Variants in EPS8 observed in about 807,000 individuals in gnomAD.
EPS8 encodes the protein EGFR pathway substrate 8, signaling adaptor, also known as epidermal growth factor receptor kinase substrate 8.
EPS8 carries 42 observed loss-of-function variants against 103.8 expected under a neutral mutation model. The observed-to-expected ratio is 0.40, with a 90% CI of 0.32 to 0.52. The LOEUF (loss-of-function observed/expected upper bound fraction) is 0.52, where lower values mean the gene tolerates loss of function less well. Among genes scored for constraint, EPS8 ranks in the 20% least tolerant of loss-of-function variants. The pLI, the probability that EPS8 is intolerant of heterozygous loss-of-function variation, is 0.40. For missense variants in EPS8, 969 were observed against 1,005.1 expected (o/e 0.96, Z 0.49); for synonymous variants, 344 against 344.6 (o/e 1.00, Z 0.02).
intron 1 of EPS8, among the ~76,000 whole-genome samples, chr12:15,687,370 T>C (rs1212144465): frequency 6.6e-6 from 1 of 152,190 alleles, no homozygotes; most frequent in African/African-American, 2.4e-5. Context: ...GGTATCACAA[T>C]TTCTAGACCA....
At chr12:15,652,862 C>T (rs1276193552) in intron 13 of EPS8, among the ~76,000 whole-genome samples, 1 of 152,032 alleles carries the variant, frequency 6.6e-6, no homozygotes, top group Non-Finnish European at 1.5e-5. Context: ...TGAATTGGCC[C>T]ATGACTCTTA....
At chr12:15,646,140 T>C (rs1218517120) in intron 15 of EPS8, among the ~76,000 whole-genome samples, 1 of 151,906 alleles carries the variant, frequency 6.6e-6, no homozygotes, top group East Asian at 1.9e-4. Flanking sequence ...AAAAAATATA[T>C]TATTCATTGC....
At chr12:15,630,150 G>A (rs575323721) in intron 18 of EPS8, among the ~76,000 whole-genome samples, 1 of 151,882 alleles carries the variant, frequency 6.6e-6, no homozygotes, top group East Asian at 1.9e-4. Flanking sequence ...GGCCCACATT[G>A]AGGGAAAGAT....
At chr12:15,679,645 A>G (rs1945969665) in intron 3 of EPS8, among the ~76,000 whole-genome samples, 1 of 152,098 alleles carries the variant, frequency 6.6e-6, no homozygotes, top group South Asian at 2.1e-4. Flanking sequence ...CCTCTATTAA[A>G]TCCTTTCTGA....
In EPS8 at chr12:15,733,514, T is replaced by C. The variant is rs987658039; in HGVS notation, c.-21-50542A>G. On this transcript the variant is annotated intron_variant, in intron 1 of 20. Transcript: ENST00000281172. This position sits in a 1 kb window ranked among gnomAD's most constrained non-coding sequence, Gnocchi z 4.8. ...ATCATATTGTTCATTAAATAGTATC[T>C]TGGCACCTTTAAAAAGCCTAGATAT... Among the ~76,000 whole-genome samples, 1 of 152,096 alleles carries C rather than the reference T, an allele frequency of 6.6e-6. No individual in the cohort carries two copies. The highest frequency in any genetic ancestry group is 1.9e-4 in the East Asian group (1 of 5,192).
chr12:15,666,401 A>T, intron 7 of EPS8, 39 bp downstream of exon 7: 1 of 1,492,160 alleles, frequency 6.7e-7, no homozygotes, highest in Non-Finnish European at 9.3e-7. Context: ...CCTTAGAAAC[A>T]AATCAATTCC....
At chr12:15,766,095 T>C (rs543591577) in intron 1 of EPS8, among the ~76,000 whole-genome samples, 7 of 151,468 alleles carry the variant, frequency 4.6e-5, no homozygotes, top group African/African-American at 4.8e-5. Flanking sequence ...ATTATAGGCG[T>C]GAGCCACCTG....
chr12:15,637,826 C>A (rs1945163001), intron 17 of EPS8, among the ~76,000 whole-genome samples: 1 of 152,128 alleles, frequency 6.6e-6, no homozygotes, highest in Non-Finnish European at 1.5e-5. Flanking sequence ...AGCAAGCATG[C>A]AGGAAGGAGC....
At chr12:15,740,157 T>C (rs1946805374) in intron 1 of EPS8, among the ~76,000 whole-genome samples, 1 of 152,220 alleles carries the variant, frequency 6.6e-6, no homozygotes, top group Non-Finnish European at 1.5e-5. Context: ...CACAATCTTA[T>C]TGCATAAAGG....
chr12:15,762,327 C>T lies in EPS8; in HGVS notation c.-22+26834G>A, dbSNP rs1947050342. Among the ~76,000 whole-genome samples, 1 of 152,176 alleles carries T rather than the reference C, an allele frequency of 6.6e-6. No homozygotes were observed. ...GTAGAGAAAAGGGAACCCTCATACA[C>T]TGTTGGTGGCGATGTAAATTACTGC... On this transcript the variant is annotated intron_variant, in intron 1 of 20. Coordinates refer to ENST00000281172, the MANE Select transcript of EPS8 (RefSeq NM_004447.6). This position sits in a 1 kb window ranked among gnomAD's most constrained non-coding sequence, Gnocchi z 4.8.
intron 1 of EPS8, among the ~76,000 whole-genome samples, chr12:15,758,748 T>C (rs1204191722): frequency 6.6e-6 from 1 of 152,226 alleles, no homozygotes; most frequent in Non-Finnish European, 1.5e-5. Context: ...CAATGAGTGC[T>C]AAATTTTTTC....
intron 13 of EPS8, among the ~76,000 whole-genome samples, chr12:15,651,935 T>G (rs925061350): frequency 1.3e-5 from 2 of 152,154 alleles, no homozygotes; most frequent in Non-Finnish European, 2.9e-5. Context: ...TGTAGTTTTT[T>G]GAATGTTAAT....
chr12:15,658,066 A>C lies in EPS8; in HGVS notation c.1101+13T>G. ...ACTAAGAACGATTCTTTCTTAAACTAATAAAATCTCACCATATTTAATGGA... is the reference window on the plus strand; with the variant it reads ...ACTAAGAACGATTCTTTCTTAAACTCATAAAATCTCACCATATTTAATGGA... On this transcript the variant is annotated intron_variant, in intron 12 of 20. Transcript: ENST00000281172. 1 of 1,503,068 alleles carries C rather than the reference A, an allele frequency of 6.7e-7. No homozygotes were observed. Among genetic ancestry groups the C allele is most frequent in the Non-Finnish European group, 9.3e-7 (1 of 1,080,170 alleles). The allele number at this position is 1,503,068 out of a possible 1,614,324, so 93.1% of individuals were successfully genotyped here.
intron 10 of EPS8, among the ~76,000 whole-genome samples, chr12:15,659,656 T>C (rs950702363): frequency 6.6e-6 from 1 of 152,214 alleles, no homozygotes. Flanking sequence ...TACAAATATG[T>C]GCTACAGAAA....
At position 15,690,674 on chromosome 12, in the gene EPS8, G is replaced by A. The variant is rs1234845619; in HGVS notation, c.-21-7702C>T. ...ATGTAATTGCTTTCTAACAGAATAC[G>A]TTGTATACTTTTCTAGGTATCAGAC... is the stretch of plus-strand genomic sequence containing the variant. On this transcript the variant is annotated intron_variant, in intron 1 of 20. Coordinates refer to ENST00000281172, the MANE Select transcript of EPS8 (RefSeq NM_004447.6). This position sits in a 1 kb window ranked among gnomAD's most constrained non-coding sequence, Gnocchi z 4.7. Among the ~76,000 whole-genome samples, 5 of 152,102 alleles carry A rather than the reference G, an allele frequency of 3.3e-5. No individual in the cohort carries two copies. Among genetic ancestry groups the A allele is most frequent in the South Asian group, 2.1e-4 (1 of 4,826 alleles).
intron 1 of EPS8, among the ~76,000 whole-genome samples, chr12:15,737,436 T>C (rs1946777498): frequency 1.3e-5 from 2 of 152,098 alleles, no homozygotes; most frequent in Non-Finnish European, 2.9e-5. Flanking sequence ...TCCTCCTTTC[T>C]ACAAAGAAAA....
Position 15,759,033 on chromosome 12 carries a change from T to A in EPS8, c.-22+30128A>T, listed in dbSNP as rs1035755954. Among the ~76,000 whole-genome samples the A allele has an allele frequency of 1.3e-5, 2 of 152,134 alleles. No individual in the cohort carries two copies. Among genetic ancestry groups the A allele is most frequent in the Non-Finnish European group, 2.9e-5 (2 of 68,002 alleles). On this transcript the variant is annotated intron_variant, in intron 1 of 20. Coordinates refer to ENST00000281172, the MANE Select transcript of EPS8 (RefSeq NM_004447.6). The surrounding 1 kb of genome is among the most constrained non-coding windows in gnomAD (Gnocchi z 4.9). Reference sequence around the variant, plus strand: ...TTCTTCTACAGATTTTTTTTTAAAATTTTTTAATTAAAAGATGCAGGGGAA... The same window carrying A: ...TTCTTCTACAGATTTTTTTTTAAAAATTTTTAATTAAAAGATGCAGGGGAA...
At position 15,624,257 on chromosome 12, in the gene EPS8, G is replaced by A. The variant is rs141592108; in HGVS notation, c.2195C>T (p.Thr732Met). Residue 732 changes from threonine (T) to methionine (M), a missense_variant, in exon 19 of 21, where the codon ACG becomes ATG. Thr to Met is a moderately conservative substitution (Grantham distance 81, BLOSUM62 -1). Transcript: ENST00000281172. ...GTTGAATCCCTTTGACTGTAACCACGTCTTCACATCCTCTGGTGTGGAGTC... is the reference window on the plus strand; with the variant it reads ...GTTGAATCCCTTTGACTGTAACCACATCTTCACATCCTCTGGTGTGGAGTC... ...TYDSTPEDVKTWLQSKGFNPV... is the reference protein window; with the variant it reads ...TYDSTPEDVKMWLQSKGFNPV... 56 of 1,613,672 alleles carry A rather than the reference G, an allele frequency of 3.5e-5. No homozygotes were observed. In the African/African-American group the frequency reaches 5.2e-4, roughly 15 times the overall value.
chr12:15,666,525 G>T lies in EPS8; in HGVS notation c.517-3C>A. ...ATATCTTCACTAATTAGGTTTGCCTGCAAAGAGACACAAGTTACCTGAAAG... is the reference window on the plus strand; with the variant it reads ...ATATCTTCACTAATTAGGTTTGCCTTCAAAGAGACACAAGTTACCTGAAAG... On this transcript the variant is annotated splice_region_variant and splice_polypyrimidine_tract_variant and intron_variant, in intron 6 of 20. Transcript: ENST00000281172. The T allele has an allele frequency of 1.2e-6, 2 of 1,609,720 alleles. No individual in the cohort carries two copies. Among genetic ancestry groups the T allele is most frequent in the Non-Finnish European group, 1.7e-6 (2 of 1,176,302 alleles).
Sources: gnomAD v4.1 joint callset for allele counts (sites outside exome capture counted in the v4.1 genomes callset) on GRCh38, gnomAD v4.1.1 for gene constraint, Gnocchi (gnomAD v3.1) non-coding constraint, MANE v1.5 for transcripts, NCBI Gene and HGNC (gene_info 2026-07-23, HGNC 2026-07-21) for gene names.